Variants in SCN2A observed in about 807,000 individuals in gnomAD.
SCN2A encodes the protein sodium channel protein type 2 subunit alpha.
A neutral mutation model predicts 188.7 loss-of-function variants in SCN2A; 20 were observed. The observed-to-expected ratio is 0.11, with a 90% CI of 0.07 to 0.15. SCN2A has a LOEUF of 0.15. SCN2A is among the 10% of genes least tolerant of loss of function. The probability of loss-of-function intolerance (pLI) is 1.00; values close to 1 mark genes in which losing one functional copy is unlikely to be tolerated. For missense variants in SCN2A, 1,278 were observed against 2,445.0 expected (o/e 0.52, Z 10.07); for synonymous variants, 804 against 833.1 (o/e 0.97, Z 0.60).
chr2:165,350,708 G>A (rs1419493287), intron 16 of SCN2A, among the ~76,000 whole-genome samples: 4 of 3,300 alleles, frequency 1.2e-3, no homozygotes, highest in African/African-American at 1.5e-3. Context: ...TCCTGACCTC[G>A]TGATCCGCCC....
intron 17 of SCN2A, among the ~76,000 whole-genome samples, chr2:165,362,161 T>G (rs1444938881): frequency 6.6e-6 from 1 of 152,028 alleles, no homozygotes; most frequent in Non-Finnish European, 1.5e-5. Flanking sequence ...TTAAGTCTGA[T>G]GAGATGCATT....
At chr2:165,367,477 G>A (rs1700790203) in intron 19 of SCN2A, 106 bp downstream of exon 19, 1 of 1,272,446 alleles carries the variant, frequency 7.9e-7, no homozygotes, top group South Asian at 1.2e-5. Flanking sequence ...TTGTAAGAAT[G>A]AGAAGAAATA....
intron 1 of SCN2A, among the ~76,000 whole-genome samples, chr2:165,291,179 T>C (rs911597156): frequency 1.3e-5 from 2 of 151,530 alleles, no homozygotes; most frequent in Non-Finnish European, 2.9e-5. Context: ...GTAGCTGGGA[T>C]TGCAGGTGCC....
At chr2:165,338,183 A>AT (rs1699101793) in intron 14 of SCN2A, among the ~76,000 whole-genome samples, 2 of 151,872 alleles carry the variant, frequency 1.3e-5, no homozygotes, top group East Asian at 3.9e-4. Context: ...GCTGTGGTAA[A>AT]TTTTTTAAAA....
At chr2:165,289,717 T>C (rs353139) in intron 1 of SCN2A, among the ~76,000 whole-genome samples, 63,357 of 151,944 alleles carry the variant, frequency 0.42, 13,686 homozygotes, top group East Asian at 0.62. Context: ...ATCTACATTA[T>C]GCAAAAGTAT....
Position 165,285,976 on chromosome 2 carries a change from G to A in SCN2A, c.-51-9797G>A, listed in dbSNP as rs1460495791. 7 of 212,238 alleles carry A rather than the reference G, an allele frequency of 3.3e-5. No individual in the cohort carries two copies. The East Asian group carries it at 7.9e-4, about 24-fold the overall frequency. The allele number at this position is 212,238 out of a possible 1,614,324, so 13.1% of individuals were successfully genotyped here. On this transcript the variant is annotated intron_variant, in intron 1 of 26. Transcript: ENST00000375437. The stretch of plus-strand genomic sequence containing the variant: ...CTGTATTGCAGAGGACTGTAGACAT[G>A]CTCTGTGCCACAGATGAAGACTTCG...
intron 2 of SCN2A, 77 bp downstream of exon 2, chr2:165,296,167 A>G: frequency 4.4e-6 from 6 of 1,377,454 alleles, no homozygotes; most frequent in South Asian, 1.2e-5. Flanking sequence ...GATGGTGAAG[A>G]AGGCTGGCCT....
Position 165,295,978 on chromosome 2 carries a change from C to T in SCN2A, c.155C>T (p.Pro52Leu). The T allele has an allele frequency of 1.2e-6, 2 of 1,614,098 alleles. No homozygotes were observed. The highest frequency in any genetic ancestry group is 1.7e-6 in the Non-Finnish European group (2 of 1,179,998). Residue 52 changes from proline to leucine, a missense_variant, in exon 2 of 27, where the codon CCA becomes CTA. Pro to Leu is a moderately conservative substitution (Grantham distance 98). Transcript: ENST00000375437. ...GAGGATGATGAAAATGGCCCAAAGC[C>T]AAACAGTGACTTGGAAGCAGGAAAA... ...KDEDDENGPK[P>L]NSDLEAGKSL... is the part of the protein sequence containing the mutation.
chr2:165,361,482 A>G (rs1223873096), intron 17 of SCN2A, among the ~76,000 whole-genome samples: 1 of 152,092 alleles, frequency 6.6e-6, no homozygotes, highest in Non-Finnish European at 1.5e-5. Flanking sequence ...GGGGTGCAGA[A>G]GATCTGGAAT....
chr2:165,369,617 C>T (rs1052248674), intron 19 of SCN2A, among the ~76,000 whole-genome samples: 1 of 152,188 alleles, frequency 6.6e-6, no homozygotes, highest in African/African-American at 2.4e-5. Context: ...CCCAAGGGCT[C>T]TGGAAAATTC....
chr2:165,264,448 C>T (rs1034184503), intron 1 of SCN2A, among the ~76,000 whole-genome samples: 3 of 152,000 alleles, frequency 2.0e-5, no homozygotes, highest in African/African-American at 2.4e-5. Flanking sequence ...AAGGGACATA[C>T]CTTAAGGTAA....
intron 1 of SCN2A, chr2:165,239,912 G>A (rs1013322364): frequency 2.6e-5 from 4 of 152,182 alleles, no homozygotes; most frequent in Non-Finnish European, 4.4e-5. Flanking sequence ...AGCTTTCAAA[G>A]TGAAGGATGG....
intron 1 of SCN2A, chr2:165,294,040 A>ATATTTT: frequency 1.6e-6 from 1 of 629,758 alleles, no homozygotes; most frequent in Non-Finnish European, 1.9e-6. Flanking sequence ...AAAAAAAAAG[A>ATATTTT]TTTTTTTTTT....
intron 16 of SCN2A, among the ~76,000 whole-genome samples, chr2:165,346,508 A>C (rs2105322283): frequency 6.6e-6 from 1 of 152,354 alleles, no homozygotes; most frequent in South Asian, 2.1e-4. Flanking sequence ...AAACCTTAGA[A>C]GAAAACCTAG....
intron 15 of SCN2A, 64 bp downstream of exon 15, chr2:165,342,533 G>C: frequency 6.5e-7 from 1 of 1,536,058 alleles, no homozygotes; most frequent in Non-Finnish European, 9.0e-7. Flanking sequence ...TTCTCATCTA[G>C]TAAAAATGGC....
At chr2:165,333,040 C>T (rs1698782813) in intron 14 of SCN2A, among the ~76,000 whole-genome samples, 1 of 151,864 alleles carries the variant, frequency 6.6e-6, no homozygotes, top group Non-Finnish European at 1.5e-5. Context: ...TAATTAAGGC[C>T]CACAAATTGA....
At chr2:165,333,394 A>AGGTTAGGT (rs1698806690) in intron 14 of SCN2A, among the ~76,000 whole-genome samples, 1 of 151,814 alleles carries the variant, frequency 6.6e-6, no homozygotes. Flanking sequence ...GATAAGTTAT[A>AGGTTAGGT]GGTTAGGTCA....
At chr2:165,347,271 A>G (rs1374822195) in intron 16 of SCN2A, among the ~76,000 whole-genome samples, 2 of 152,162 alleles carry the variant, frequency 1.3e-5, no homozygotes, top group African/African-American at 2.4e-5. Context: ...CATAAAAAAG[A>G]GTGAGTTCAT....
chr2:165,287,199 A>T (rs1695879178), intron 1 of SCN2A, among the ~76,000 whole-genome samples: 1 of 152,204 alleles, frequency 6.6e-6, no homozygotes, highest in South Asian at 2.1e-4. Flanking sequence ...TTGGCCCTTG[A>T]CTTGAAGTTT....
Sources: gnomAD v4.1 joint callset for allele counts (sites outside exome capture counted in the v4.1 genomes callset) on GRCh38, gnomAD v4.1.1 for gene constraint, MANE v1.5 for transcripts, NCBI Gene and HGNC (gene_info 2026-07-23, HGNC 2026-07-21) for gene names.